FHAD1: variants seen among roughly 807,000 people sequenced by gnomAD.
FHAD1 encodes forkhead associated phosphopeptide binding domain 1, also known as forkhead-associated domain-containing protein 1.
Under a neutral mutation model 191.3 loss-of-function variants are expected in FHAD1, and 146 were observed. That is an observed-to-expected ratio of 0.76 (90% confidence interval 0.67 to 0.88). The LOEUF is 0.88. FHAD1 is among the 40% of genes least tolerant of loss of function. The pLI is 0.00. For synonymous variants in FHAD1, 616 were observed against 672.3 expected, an observed-to-expected ratio of 0.92 and a Z score of 1.29; for missense variants, 1,635 against 1,785.8, an observed-to-expected ratio of 0.92 and a Z score of 1.52.
At chr1:15,374,272 G>A (rs1287403385) in intron 26 of FHAD1, among the ~76,000 whole-genome samples, 2 of 152,114 alleles carry the variant, frequency 1.3e-5, no homozygotes, top group African/African-American at 4.8e-5. Context: ...GAACGTGGAG[G>A]GGCTTTTATT....
intron 4 of FHAD1, among the ~76,000 whole-genome samples, chr1:15,295,609 C>CTG (rs916213034): frequency 2.6e-5 from 4 of 151,928 alleles, no homozygotes; most frequent in Middle Eastern, 6.8e-3. Context: ...CCCTGTCTGT[C>CTG]TGTGTGTGTG....
intron 2 of FHAD1, among the ~76,000 whole-genome samples, chr1:15,270,763 C>T (rs578150978): frequency 4.6e-5 from 7 of 152,090 alleles, no homozygotes; most frequent in Admixed American, 6.5e-5. Context: ...AGACTTTGGC[C>T]GGGCACGGTG....
In FHAD1 at chr1:15,361,021, C is replaced by A. The variant is rs1694628964; in HGVS notation, c.2962+318C>A. Among the ~76,000 whole-genome samples, 3 of 152,164 alleles carry A rather than the reference C, an allele frequency of 2.0e-5. No individual in the cohort carries two copies. In the South Asian group the frequency reaches 6.2e-4, roughly 32 times the overall value. Reference sequence around the variant, plus strand: ...AATCATCTTTTCCACATGAAAACATCTCATGCAGGGGCCTTTCAAAGGTTT... The same window carrying A: ...AATCATCTTTTCCACATGAAAACATATCATGCAGGGGCCTTTCAAAGGTTT... On this transcript the variant is annotated intron_variant, in intron 22 of 33. Coordinates refer to ENST00000688493, the MANE Select transcript of FHAD1 (RefSeq NM_001391957.1).
rs1046311527 is a variant in FHAD1, at chr1:15,324,769, C to G, written c.1473+210C>G. 1.7e-5 allele frequency: 10 copies of G among 576,434 alleles called. No individual in the cohort carries two copies. The African/African-American group carries it at 1.9e-4, about 11-fold the overall frequency. 35.7% of individuals were successfully genotyped at this position (576,434 alleles called of 1,614,324 possible). ...TTCTGCTGCTGGGAGGCCTCCCACT[C>G]GAATAGTTTACGATGACCCGAGACC... On this transcript the variant is annotated intron_variant, in intron 11 of 33. Coordinates refer to ENST00000688493, the MANE Select transcript of FHAD1 (RefSeq NM_001391957.1).
At chr1:15,288,534 T>C (rs917898264) in intron 3 of FHAD1, among the ~76,000 whole-genome samples, 1 of 152,216 alleles carries the variant, frequency 6.6e-6, no homozygotes. Flanking sequence ...ACCCACAGTA[T>C]GGACAGAAAG....
At chr1:15,389,457 A>AC (rs1270109067) in intron 32 of FHAD1, among the ~76,000 whole-genome samples, 5 of 150,620 alleles carry the variant, frequency 3.3e-5, no homozygotes, top group African/African-American at 1.2e-4. Context: ...CAAAAAAAAA[A>AC]AAAAAAAAAA....
At chr1:15,269,298 A>C (rs534857620) in intron 2 of FHAD1, among the ~76,000 whole-genome samples, 1 of 152,298 alleles carries the variant, frequency 6.6e-6, no homozygotes, top group Non-Finnish European at 1.5e-5. Context: ...GTGTGCATTC[A>C]AGGCTATAAA....
chr1:15,388,309 C>T (rs866875630), intron 32 of FHAD1, 178 bp downstream of exon 32: 8 of 305,594 alleles, frequency 2.6e-5, no homozygotes, highest in African/African-American at 1.1e-4. Context: ...CCTTCCCTCC[C>T]CAGGCCCTGC....
Position 15,251,937 on chromosome 1 carries a change from A to G in FHAD1, c.93+60A>G, listed in dbSNP as rs906784888. 2.9e-6 allele frequency: 4 copies of G among 1,394,662 alleles called. No individual in the cohort carries two copies. The African/African-American group carries it at 4.3e-5, about 15-fold the overall frequency. The allele number at this position is 1,394,662 out of a possible 1,614,324, so 86.4% of individuals were successfully genotyped here. A position where few individuals can be genotyped will look rare whatever the true frequency, so the allele number is the denominator to read the frequency against. On this transcript the variant is annotated intron_variant, in intron 2 of 33. Transcript: ENST00000688493. ...CTGACCCCTTCCTTCTCCCTCTCTAACAGTCCTTAGCGTTATGTGGACTCC... is the reference window on the plus strand; with the variant it reads ...CTGACCCCTTCCTTCTCCCTCTCTAGCAGTCCTTAGCGTTATGTGGACTCC...
intron 8 of FHAD1, among the ~76,000 whole-genome samples, chr1:15,315,775 C>G (rs376877322): frequency 7.6e-4 from 116 of 152,228 alleles, no homozygotes; most frequent in African/African-American, 2.3e-3. Context: ...TGCAAGCCAC[C>G]GCGCCCAGCC....
chr1:15,398,906 C>A (rs559102739), downstream of FHAD1, among the ~76,000 whole-genome samples: 1 of 151,962 alleles, frequency 6.6e-6, no homozygotes, highest in Non-Finnish European at 1.5e-5. Flanking sequence ...CTGCAACCTC[C>A]GCCTCCCAGG....
At position 15,289,729 on chromosome 1, in the gene FHAD1, GT is replaced by G; in HGVS notation, c.568+67del. The G allele has an allele frequency of 6.8e-7, 1 of 1,476,230 alleles. No individual in the cohort carries two copies. Among genetic ancestry groups the G allele is most frequent in the Non-Finnish European group, 9.0e-7 (1 of 1,109,268 alleles). The allele number at this position is 1,476,230 out of a possible 1,614,324, so 91.4% of individuals were successfully genotyped here. A position where few individuals can be genotyped will look rare whatever the true frequency, so the allele number is the denominator to read the frequency against. On this transcript the variant is annotated intron_variant, in intron 4 of 33. Coordinates refer to ENST00000688493, the MANE Select transcript of FHAD1 (RefSeq NM_001391957.1). This position sits in a 1 kb window ranked among gnomAD's most constrained non-coding sequence, Gnocchi z 4.2. ...TTCACGGCCATGTGGATGGGTCTTG[GT>G]TTTGGTTTACTTTCTGATTCTAAAA...
intron 6 of FHAD1, 27 bp from the exon 7 acceptor site, chr1:15,308,586 C>G (rs987835871): frequency 1.3e-6 from 2 of 1,551,240 alleles, no homozygotes; most frequent in East Asian, 2.4e-5. Context: ...GCCAGCCCCC[C>G]TCTGACTGTG....
At chr1:15,248,512 A>C (rs1646373467) in intron 1 of FHAD1, among the ~76,000 whole-genome samples, 1 of 151,988 alleles carries the variant, frequency 6.6e-6, no homozygotes, top group South Asian at 2.1e-4. Context: ...CCCCAAGCTC[A>C]GGAAACTCCA....
intron 3 of FHAD1, among the ~76,000 whole-genome samples, chr1:15,278,722 C>T (rs897269141): frequency 6.6e-6 from 1 of 152,094 alleles, no homozygotes; most frequent in Middle Eastern, 3.2e-3. Flanking sequence ...GATCTGCCCA[C>T]CTTGGCCTCC....
chr1:15,369,246 A>G, intron 25 of FHAD1, 124 bp from the exon 26 acceptor site: 1 of 1,178,434 alleles, frequency 8.5e-7, no homozygotes, highest in Non-Finnish European at 1.2e-6. Context: ...TGGGAACAGG[A>G]AACAAGTCTC....
intron 33 of FHAD1, among the ~76,000 whole-genome samples, chr1:15,396,180 C>T (rs558643208): frequency 5.9e-5 from 9 of 152,164 alleles, no homozygotes; most frequent in Non-Finnish European, 1.0e-4. Context: ...ATTAGTTGGG[C>T]ATAGTGGTGC....
chr1:15,388,117 GAGAA>G lies in FHAD1; in HGVS notation c.4259_4262del (p.Lys1420ThrfsTer8), dbSNP rs1250729094. ...GACACCTTGCAACTGTGCCTTCAAA[GAGAA>G]AGACAGGCAGGTATGGGAGGTGTTC... is the stretch of plus-strand genomic sequence containing the variant. On this transcript the variant is annotated frameshift_variant, in exon 32 of 34. Transcript: ENST00000688493. LOFTEE classifies it high-confidence loss of function. 2.3e-6 allele frequency: 3 copies of G among 1,289,622 alleles called. No homozygotes were observed. The African/African-American group carries it at 4.6e-5, about 20-fold the overall frequency. The allele number at this position is 1,289,622 out of a possible 1,614,324, so 79.9% of individuals were successfully genotyped here. A position where few individuals can be genotyped will look rare whatever the true frequency, so the allele number is the denominator to read the frequency against.
At chr1:15,304,693 C>T (rs1669865273) in intron 6 of FHAD1, among the ~76,000 whole-genome samples, 1 of 152,122 alleles carries the variant, frequency 6.6e-6, no homozygotes, top group South Asian at 2.1e-4. Context: ...GAGACCTGCG[C>T]AAGTATGGCC....
Sources: gnomAD v4.1 joint callset for allele counts (sites outside exome capture counted in the v4.1 genomes callset) on GRCh38, gnomAD v4.1.1 for gene constraint, Gnocchi (gnomAD v3.1) non-coding constraint, MANE v1.5 for transcripts, NCBI Gene and HGNC (gene_info 2026-07-23, HGNC 2026-07-21) for gene names.